BMPR1A: variants seen among roughly 807,000 people sequenced by gnomAD.
BMPR1A encodes the protein bone morphogenetic protein receptor type 1A.
Under a neutral mutation model 66.0 loss-of-function variants are expected in BMPR1A, and 7 were observed. That is an observed-to-expected ratio of 0.11 (90% confidence interval 0.06 to 0.20). BMPR1A has a LOEUF of 0.20. BMPR1A is among the 10% of genes least tolerant of loss of function. The pLI is 1.00. For missense variants in BMPR1A, 408 were observed against 669.1 expected, an observed-to-expected ratio of 0.61 and a Z score of 4.31; for synonymous variants, 200 against 229.7, an observed-to-expected ratio of 0.87 and a Z score of 1.17.
Position 86,815,058 on chromosome 10 carries a change from C to T in BMPR1A, c.-267-23807C>T, listed in dbSNP as rs113727298. On this transcript the variant is annotated intron_variant, in intron 1 of 12. Coordinates refer to ENST00000372037, the MANE Select transcript of BMPR1A (RefSeq NM_004329.3). ...TCGGCCTCCCAAAGTACTGGGATTA[C>T]AGGCGTGAGCTACCATGCCTAGCCC... is the stretch of plus-strand genomic sequence containing the variant. Among the ~76,000 whole-genome samples the T allele has an allele frequency of 6.3e-3, 958 of 152,322 alleles. 15 individuals carry two copies. The highest frequency in any genetic ancestry group is 0.021 in the African/African-American group (876 of 41,564).
chr10:86,912,342 C>G lies in BMPR1A; in HGVS notation c.633C>G (p.Asp211Glu). The part of the protein sequence containing the change: ...PVGESLKDLI[D>E]QSQSSGSGSG... ...GAGAATCACTAAAAGACCTTATTGA[C>G]CAGTCACAAAGTTCTGGTAGTGGGT... Residue 211 changes from aspartate to glutamate, a missense_variant, in exon 8 of 13, where the codon GAC (aspartate) becomes GAG (glutamate). Around this residue, in one of 5 missense-constraint regions of BMPR1A, gnomAD observed 174 missense variants for 265.1 expected, o/e 0.66. Coordinates refer to ENST00000372037, the MANE Select transcript of BMPR1A (RefSeq NM_004329.3). 6.2e-7 allele frequency: 1 copy of G among 1,613,908 alleles called. No homozygotes were observed. Among genetic ancestry groups the G allele is most frequent in the Non-Finnish European group, 8.5e-7 (1 of 1,179,950 alleles).
chr10:86,760,284 C>T (rs1174402199), intron 1 of BMPR1A, among the ~76,000 whole-genome samples: 4 of 116,280 alleles, frequency 3.4e-5, no homozygotes, highest in African/African-American at 6.7e-5. Context: ...TACAGAGTCT[C>T]GCACTGTCGC....
chr10:86,925,719 A>ACCTTTTTTTTTTTTT lies in BMPR1A; in HGVS notation c.*2000_*2001insCCTTTTTTTTTTTTT, dbSNP rs879569249. On this transcript the variant is annotated 3_prime_UTR_variant, in exon 13 of 13. Coordinates refer to ENST00000372037, the MANE Select transcript of BMPR1A (RefSeq NM_004329.3). ...ACCATAATCTTTAAAATCATTTGTC[A>ACCTTTTTTTTTTTTT]TCTTTTTTTTTTTTTTTTTGAGACG... is the stretch of plus-strand genomic sequence containing the variant. 2.4e-5 allele frequency: 3 copies of ACCTTTTTTTTTTTTT among 123,448 alleles called. No homozygotes were observed. The highest frequency in any genetic ancestry group is 5.2e-5 in the African/African-American group (1 of 19,226). 7.6% of individuals were successfully genotyped at this position (123,448 alleles called of 1,614,324 possible). A position where few individuals can be genotyped will look rare whatever the true frequency, so the allele number is the denominator to read the frequency against.
intron 1 of BMPR1A, among the ~76,000 whole-genome samples, chr10:86,800,225 A>G (rs963396811): frequency 3.9e-5 from 6 of 152,200 alleles, no homozygotes; most frequent in Admixed American, 1.3e-4. Context: ...TGTATTCCCA[A>G]TTGCAGCCCT....
chr10:86,912,392 A>G lies in BMPR1A; in HGVS notation c.675+8A>G, dbSNP rs1554890236. 6.2e-7 allele frequency: 1 copy of G among 1,613,944 alleles called. No individual in the cohort carries two copies. Among genetic ancestry groups the G allele is most frequent in the African/African-American group, 1.3e-5 (1 of 75,040 alleles). On this transcript the variant is annotated splice_region_variant and intron_variant, in intron 8 of 12. Transcript: ENST00000372037. ...TCTGGACTACCTTTATTGGTAAGTTAAACGTTCCTATAGACATGAATGGTG... is the reference window on the plus strand; with the variant it reads ...TCTGGACTACCTTTATTGGTAAGTTGAACGTTCCTATAGACATGAATGGTG...
At chr10:86,817,965 A>G (rs1026874256) in intron 1 of BMPR1A, among the ~76,000 whole-genome samples, 6 of 152,262 alleles carry the variant, frequency 3.9e-5, no homozygotes, top group African/African-American at 7.2e-5. Flanking sequence ...TCAATAAAGT[A>G]CTAGCAGAGT....
intron 1 of BMPR1A, among the ~76,000 whole-genome samples, chr10:86,781,338 T>C (rs1470437970): frequency 6.6e-6 from 1 of 152,228 alleles, no homozygotes; most frequent in Non-Finnish European, 1.5e-5. Flanking sequence ...ATCCGCTGGC[T>C]GTAGATAGGT....
At chr10:86,824,112 T>TGTGTGTG (rs1564695887) in intron 1 of BMPR1A, among the ~76,000 whole-genome samples, 2 of 151,836 alleles carry the variant, frequency 1.3e-5, no homozygotes, top group East Asian at 1.9e-4. Flanking sequence ...TGTGTGTGTG[T>TGTGTGTG]TTCTTTCAGT....
At chr10:86,897,657 A>G (rs1363838391) in intron 5 of BMPR1A, among the ~76,000 whole-genome samples, 4 of 152,170 alleles carry the variant, frequency 2.6e-5, no homozygotes, top group Non-Finnish European at 5.9e-5. Flanking sequence ...CCCAGGCTGG[A>G]GTGCAGTGGT....
intron 1 of BMPR1A, among the ~76,000 whole-genome samples, chr10:86,773,802 ATTC>A (rs1450792013): frequency 1.3e-5 from 2 of 151,744 alleles, no homozygotes; most frequent in Non-Finnish European, 2.9e-5. Flanking sequence ...CTAAGCATAT[ATTC>A]TTATCACTGT....
At chr10:86,857,138 T>C (rs1223943164) in intron 2 of BMPR1A, among the ~76,000 whole-genome samples, 2 of 152,164 alleles carry the variant, frequency 1.3e-5, no homozygotes, top group Non-Finnish European at 2.9e-5. Context: ...ACTCAAACTT[T>C]CAGTGTTCTC....
chr10:86,784,962 A>G (rs1363167581), intron 1 of BMPR1A, among the ~76,000 whole-genome samples: 1 of 151,892 alleles, frequency 6.6e-6, no homozygotes, highest in Non-Finnish European at 1.5e-5. Context: ...AAATGTAGGC[A>G]TTTACTGCTA....
chr10:86,848,917 A>C (rs533360454), intron 2 of BMPR1A, among the ~76,000 whole-genome samples: 1 of 152,158 alleles, frequency 6.6e-6, no homozygotes, highest in Admixed American at 6.5e-5. Flanking sequence ...GTTTTCTTCC[A>C]CTTCCCTATT....
chr10:86,761,156 A>T (rs1184022817), intron 1 of BMPR1A, among the ~76,000 whole-genome samples: 1 of 152,252 alleles, frequency 6.6e-6, no homozygotes, highest in South Asian at 2.1e-4. Context: ...ACTCCATCTC[A>T]GGGTGGCCCC....
At chr10:86,805,959 A>G (rs556174138) in intron 1 of BMPR1A, among the ~76,000 whole-genome samples, 1 of 146,822 alleles carries the variant, frequency 6.8e-6, no homozygotes, top group South Asian at 2.1e-4. Flanking sequence ...GGAGTCACAT[A>G]TTGCATTTGG....
At chr10:86,816,247 A>C (rs1842034033) in intron 1 of BMPR1A, among the ~76,000 whole-genome samples, 2 of 152,190 alleles carry the variant, frequency 1.3e-5, no homozygotes, top group African/African-American at 4.8e-5. Flanking sequence ...AAAGGTGTAA[A>C]ATATCTTAAT....
intron 1 of BMPR1A, among the ~76,000 whole-genome samples, chr10:86,805,963 C>T (rs1180233756): frequency 1.3e-5 from 2 of 148,956 alleles, no homozygotes; most frequent in Non-Finnish European, 2.9e-5. Flanking sequence ...TCACATATTG[C>T]ATTTGGTTGT....
chr10:86,827,905 G>A (rs1842217286), intron 1 of BMPR1A, among the ~76,000 whole-genome samples: 1 of 152,154 alleles, frequency 6.6e-6, no homozygotes, highest in Non-Finnish European at 1.5e-5. Context: ...TATAATCCCA[G>A]CACTTTGGGA....
intron 8 of BMPR1A, among the ~76,000 whole-genome samples, chr10:86,912,810 AAAG>A (rs543916461): frequency 1.8e-4 from 28 of 152,094 alleles, no homozygotes; most frequent in African/African-American, 4.8e-4. Flanking sequence ...CTGAAATAAA[AAAG>A]AAGTTTCAAC....
Sources: allele counts gnomAD v4.1 joint callset (sites outside exome capture counted in the v4.1 genomes callset), GRCh38; gene constraint gnomAD v4.1.1; regional missense constraint gnomAD v4.1.1; transcripts MANE v1.5; gene names NCBI Gene and HGNC (gene_info 2026-07-23, HGNC 2026-07-21).